Variants in CERS6 observed in about 807,000 individuals in gnomAD.
CERS6 encodes the protein LAG1 homolog, ceramide synthase 6.
CERS6 carries 26 observed loss-of-function variants against 56.8 expected under a neutral mutation model. The observed-to-expected ratio is 0.46, with a 90% CI of 0.34 to 0.63. The LOEUF (loss-of-function observed/expected upper bound fraction) is 0.63. Among genes scored for constraint, CERS6 ranks in the 30% least tolerant of loss-of-function variants. The pLI, the probability that CERS6 is intolerant of heterozygous loss-of-function variation, is 0.01. For synonymous variants in CERS6, 164 were observed against 173.3 expected (o/e 0.95, Z 0.42); for missense variants, 415 against 467.5 (o/e 0.89, Z 1.04).
intron 1 of CERS6, among the ~76,000 whole-genome samples, chr2:168,479,671 C>T (rs935391724): frequency 5.3e-5 from 8 of 152,080 alleles, no homozygotes; most frequent in Non-Finnish European, 7.4e-5. Context: ...TGCAATGGCG[C>T]GATCTCGGCT....
At chr2:168,744,104 C>T (rs1684019560) in intron 8 of CERS6, among the ~76,000 whole-genome samples, 1 of 142,376 alleles carries the variant, frequency 7.0e-6, no homozygotes, top group Non-Finnish European at 1.5e-5. Flanking sequence ...CTCCTGTGTT[C>T]TCGCCATTCT....
At chr2:168,705,088 G>C (rs1475968354) in intron 6 of CERS6, among the ~76,000 whole-genome samples, 3 of 152,188 alleles carry the variant, frequency 2.0e-5, no homozygotes, top group Admixed American at 2.0e-4. Context: ...GAGCTCTGGA[G>C]TCACACAACT....
chr2:168,760,782 G>T lies in CERS6; in HGVS notation c.846-4810G>T, dbSNP rs547615114. On this transcript the variant is annotated intron_variant, in intron 8 of 9. Coordinates refer to ENST00000305747, the MANE Select transcript of CERS6 (RefSeq NM_203463.3). ...TATTTATTTATTTTTTTGAGACGGA[G>T]TCTTGCTCTGTCGCCCAGGCTGGAG... Among the ~76,000 whole-genome samples the T allele has an allele frequency of 1.6e-4, 23 of 148,110 alleles. No homozygotes were observed. The South Asian group carries it at 4.8e-3, about 31-fold the overall frequency.
intron 3 of CERS6, among the ~76,000 whole-genome samples, chr2:168,629,219 A>G (rs1301805644): frequency 1.2e-4 from 18 of 152,354 alleles, no homozygotes; most frequent in East Asian, 5.8e-4. Flanking sequence ...AGGAATTCCA[A>G]TGACTTCTGT....
At chr2:168,599,858 G>A (rs1382078815) in intron 3 of CERS6, among the ~76,000 whole-genome samples, 4 of 152,268 alleles carry the variant, frequency 2.6e-5, no homozygotes, top group Admixed American at 2.0e-4. Flanking sequence ...ATGTAGAGAT[G>A]AGCTATTTGC....
intron 4 of CERS6, among the ~76,000 whole-genome samples, chr2:168,633,532 C>G (rs1467355024): frequency 6.6e-6 from 1 of 152,188 alleles, no homozygotes; most frequent in African/African-American, 2.4e-5. Context: ...AGTTGGCAAG[C>G]CTACCCTAAC....
chr2:168,599,179 C>G (rs1029296776), intron 3 of CERS6, among the ~76,000 whole-genome samples: 2 of 152,164 alleles, frequency 1.3e-5, no homozygotes, highest in Admixed American at 1.3e-4. Flanking sequence ...CCTTGCAGAG[C>G]ATGGGAAAAT....
intron 3 of CERS6, among the ~76,000 whole-genome samples, chr2:168,589,932 G>A (rs181948026): frequency 2.6e-4 from 39 of 152,234 alleles, no homozygotes; most frequent in African/African-American, 5.8e-4. Context: ...CTTTTTTTAT[G>A]TTTGAGCCTC....
At position 168,717,949 on chromosome 2, in the gene CERS6, C is replaced by T; in HGVS notation, c.816C>T (p.Ile272=). ...TTGTTATGTTTGCCGTGGTTTTTAT[C>T]ACCACACGACTGGGTATATTTCCTC... ...LLFVMFAVVF[I]TTRLGIFPLW... The change falls in exon 8 of 10, where the codon ATC becomes ATT. Residue 272 remains isoleucine (I), a synonymous_variant. Transcript: ENST00000305747. 1 of 1,613,424 alleles carries T rather than the reference C, an allele frequency of 6.2e-7. No individual in the cohort carries two copies. Among genetic ancestry groups the T allele is most frequent in the Non-Finnish European group, 8.5e-7 (1 of 1,179,488 alleles).
chr2:168,662,128 T>TC (rs916279745), intron 4 of CERS6, among the ~76,000 whole-genome samples: 3 of 35,130 alleles, frequency 8.5e-5, no homozygotes, highest in African/African-American at 2.5e-4. Context: ...AGGCTGTCTC[T>TC]TTTTTTTTTT....
intron 8 of CERS6, among the ~76,000 whole-genome samples, chr2:168,761,162 T>C (rs1684570810): frequency 6.6e-6 from 1 of 152,176 alleles, no homozygotes; most frequent in Non-Finnish European, 1.5e-5. Context: ...GAGAGATATA[T>C]CCGTTTGGTG....
chr2:168,670,053 G>A (rs1266033377), intron 4 of CERS6, among the ~76,000 whole-genome samples: 1 of 152,102 alleles, frequency 6.6e-6, no homozygotes, highest in African/African-American at 2.4e-5. Context: ...AAAACATGTT[G>A]CAATTGGGGT....
chr2:168,618,339 T>G (rs1039250961), intron 3 of CERS6, among the ~76,000 whole-genome samples: 4 of 152,170 alleles, frequency 2.6e-5, no homozygotes, highest in African/African-American at 9.7e-5. Context: ...GGATGCCCAC[T>G]TTCACCACTT....
chr2:168,561,311 C>T lies in CERS6; in HGVS notation c.396C>T (p.Phe132=). Residue 132 remains phenylalanine (F), a synonymous_variant, in exon 3 of 10, where the codon TTC becomes TTT. Transcript: ENST00000305747. ...AGAAGCCAAGCACGCTGACGAGGTT[C>T]TGTGAGAGCATGTAAGTTGCTGTTT... ...NQEKPSTLTR[F]CESMWRFSFY... 2.5e-6 allele frequency: 4 copies of T among 1,614,060 alleles called. No homozygotes were observed. The highest frequency in any genetic ancestry group is 3.4e-6 in the Non-Finnish European group (4 of 1,179,966).
Position 168,631,576 on chromosome 2 carries a change from T to A in CERS6, c.465+534T>A, listed in dbSNP as rs373623687. ...TTTAATATTTATATATTAAATATAA[T>A]ATATATTTAATATTTATATATTAAA... On this transcript the variant is annotated intron_variant, in intron 4 of 9. Coordinates refer to ENST00000305747, the MANE Select transcript of CERS6 (RefSeq NM_203463.3). 1.5e-3 allele frequency among the ~76,000 whole-genome samples: 98 copies of A among 66,632 alleles called. 1 individual carries two copies. The highest frequency in any genetic ancestry group is 3.9e-3 in the African/African-American group (64 of 16,280). 43.7% of individuals were successfully genotyped at this position (66,632 alleles called of 152,430 possible).
chr2:168,765,945 A>C (rs1165255582), intron 9 of CERS6, among the ~76,000 whole-genome samples, 197 bp downstream of exon 9: 2 of 151,994 alleles, frequency 1.3e-5, no homozygotes, highest in African/African-American at 4.8e-5. Flanking sequence ...GCACCCAATG[A>C]TATGCATTTG....
At chr2:168,556,026 A>G (rs921086214) in intron 2 of CERS6, among the ~76,000 whole-genome samples, 1 of 152,112 alleles carries the variant, frequency 6.6e-6, no homozygotes, top group African/African-American at 2.4e-5. Flanking sequence ...ATATTTACAC[A>G]TGGTGACATG....
At chr2:168,549,617 G>C (rs575686688) in intron 2 of CERS6, among the ~76,000 whole-genome samples, 1 of 152,266 alleles carries the variant, frequency 6.6e-6, no homozygotes, top group East Asian at 1.9e-4. Context: ...CCTGGCAATG[G>C]AGCAAGACTC....
chr2:168,503,726 T>C (rs1421332168), intron 1 of CERS6, among the ~76,000 whole-genome samples: 1 of 152,164 alleles, frequency 6.6e-6, no homozygotes, highest in Non-Finnish European at 1.5e-5. Flanking sequence ...GAGGAGATCA[T>C]AATTTGGCTG....
Sources: gnomAD v4.1 joint callset for allele counts (sites outside exome capture counted in the v4.1 genomes callset) on GRCh38, gnomAD v4.1.1 for gene constraint, MANE v1.5 for transcripts, NCBI Gene and HGNC (gene_info 2026-07-23, HGNC 2026-07-21) for gene names.